Variants in FBXW7 observed in about 807,000 individuals in gnomAD.
FBXW7 encodes F-box and WD repeat domain containing 7, also known as F-box/WD repeat-containing protein 7.
In FBXW7, 11 loss-of-function variants were observed where a neutral mutation model predicts 86.3. The observed-to-expected ratio is 0.13, with a 90% confidence interval of 0.08 to 0.21. The LOEUF (loss-of-function observed/expected upper bound fraction) is 0.21, where lower values mean the gene tolerates loss of function less well. Among genes scored for constraint, FBXW7 ranks in the 10% least tolerant of loss-of-function variants. The pLI is 1.00. For synonymous variants in FBXW7, 313 were observed against 297.9 expected (o/e 1.05, Z -0.52); for missense variants, 488 against 847.4 (o/e 0.58, Z 5.27).
intron 2 of FBXW7, among the ~76,000 whole-genome samples, chr4:152,513,926 T>C (rs978803177): frequency 7.9e-5 from 12 of 152,238 alleles, no homozygotes; most frequent in Non-Finnish European, 1.6e-4. Context: ...GAGCACTTAC[T>C]TGAAATGTGA....
intron 13 of FBXW7, 143 bp from the exon 14 acceptor site, chr4:152,323,292 A>G: frequency 1.0e-6 from 1 of 996,284 alleles, no homozygotes; most frequent in Non-Finnish European, 1.4e-6. Flanking sequence ...CCATGTCCTC[A>G]GTATTTTAGG....
At chr4:152,341,719 T>C (rs201421892) in intron 6 of FBXW7, among the ~76,000 whole-genome samples, 2 of 152,002 alleles carry the variant, frequency 1.3e-5, no homozygotes, top group East Asian at 3.9e-4. Flanking sequence ...GCTCCAAGAG[T>C]GGTTTCAAAT....
chr4:152,353,730 G>A (rs1732089292), intron 4 of FBXW7, among the ~76,000 whole-genome samples: 1 of 152,088 alleles, frequency 6.6e-6, no homozygotes, highest in African/African-American at 2.4e-5. Flanking sequence ...GCCAAAGTTT[G>A]CCAGAAGGCA....
chr4:152,395,160 A>G (rs985362116), intron 4 of FBXW7, among the ~76,000 whole-genome samples: 1 of 152,060 alleles, frequency 6.6e-6, no homozygotes, highest in Admixed American at 6.6e-5. Flanking sequence ...TGCAAACTTC[A>G]GTTTACATGA....
chr4:152,469,500 T>A (rs1012938991), intron 2 of FBXW7, among the ~76,000 whole-genome samples: 1 of 152,112 alleles, frequency 6.6e-6, no homozygotes, highest in Admixed American at 6.5e-5. Flanking sequence ...AGGAAATGCA[T>A]AGACCCTGAC....
At chr4:152,384,985 T>C (rs979619113) in intron 4 of FBXW7, among the ~76,000 whole-genome samples, 6 of 152,084 alleles carry the variant, frequency 3.9e-5, no homozygotes, top group South Asian at 2.1e-4. Context: ...ATTGTTTTGT[T>C]TGTGAAACAT....
chr4:152,442,044 C>G (rs1740940124), intron 2 of FBXW7, among the ~76,000 whole-genome samples: 1 of 152,168 alleles, frequency 6.6e-6, no homozygotes, highest in South Asian at 2.1e-4. Flanking sequence ...GTTTTGTGAT[C>G]TTATACAAAA....
intron 2 of FBXW7, among the ~76,000 whole-genome samples, chr4:152,461,157 T>C (rs1742907040): frequency 6.6e-6 from 1 of 152,114 alleles, no homozygotes; most frequent in South Asian, 2.1e-4. Context: ...TGTTGGTGCA[T>C]GTCTGTAATC....
intron 4 of FBXW7, among the ~76,000 whole-genome samples, chr4:152,356,469 A>G (rs917076245): frequency 6.6e-6 from 1 of 152,188 alleles, no homozygotes; most frequent in African/African-American, 2.4e-5. Context: ...TAGTAGGAGA[A>G]TGTGTTTATA....
At position 152,449,528 on chromosome 4, in the gene FBXW7, C is replaced by T. The variant is rs17361754; in HGVS notation, c.-119-36999G>A. On this transcript the variant is annotated intron_variant, in intron 2 of 13. Transcript: ENST00000281708. ...GATAATCCAAGGAGGCTCCTGCTATCATAAATGTTAGAAGAGTTTTAATGA... is the reference window on the plus strand; with the variant it reads ...GATAATCCAAGGAGGCTCCTGCTATTATAAATGTTAGAAGAGTTTTAATGA... Among the ~76,000 whole-genome samples the T allele has an allele frequency of 5.4e-3, 816 of 152,204 alleles. 1 individual carries two copies. The highest frequency in any genetic ancestry group is 9.3e-3 in the Non-Finnish European group (630 of 67,998).
intron 2 of FBXW7, among the ~76,000 whole-genome samples, chr4:152,497,458 C>T (rs1746477024): frequency 6.6e-6 from 1 of 150,438 alleles, no homozygotes; most frequent in African/African-American, 2.4e-5. Context: ...ATTTAAGGTT[C>T]AATACCCAAT....
intron 4 of FBXW7, among the ~76,000 whole-genome samples, chr4:152,388,031 AT>A (rs372291868): frequency 2.3e-4 from 34 of 149,506 alleles, no homozygotes; most frequent in Middle Eastern, 3.4e-3. Context: ...AAGTTTTAGT[AT>A]TTTTTTTTTA....
rs375357200 is a variant in FBXW7 at position 152,535,493 on chromosome 4, C to T, written c.-579G>A. On this transcript the variant is annotated 5_prime_UTR_variant, in exon 1 of 14. Transcript: ENST00000281708. ...CTTCACATCGGGGTCCCCGCCCCCCCGGCCGGGGGGTGGTTGCCGAGCTTG... is the reference window on the plus strand; with the variant it reads ...CTTCACATCGGGGTCCCCGCCCCCCTGGCCGGGGGGTGGTTGCCGAGCTTG... The T allele has an allele frequency of 2.5e-6, 1 of 394,728 alleles. No homozygotes were observed. Among genetic ancestry groups the T allele is most frequent in the African/African-American group, 2.1e-5 (1 of 48,460 alleles). 24.5% of individuals were successfully genotyped at this position (394,728 alleles called of 1,614,324 possible). A position where few individuals can be genotyped will look rare whatever the true frequency, so the allele number is the denominator to read the frequency against.
At chr4:152,448,781 T>C (rs989031701) in intron 2 of FBXW7, among the ~76,000 whole-genome samples, 1 of 152,198 alleles carries the variant, frequency 6.6e-6, no homozygotes, top group Non-Finnish European at 1.5e-5. Context: ...AAAAACTGGA[T>C]ATTAAAACAG....
intron 2 of FBXW7, among the ~76,000 whole-genome samples, chr4:152,522,299 C>G (rs1426289514): frequency 2.6e-5 from 4 of 152,136 alleles, no homozygotes; most frequent in African/African-American, 9.7e-5. Flanking sequence ...AACCTTTTCT[C>G]AGTTTCTGAA....
chr4:152,345,718 A>T (rs1255046414), intron 6 of FBXW7, among the ~76,000 whole-genome samples: 2 of 152,224 alleles, frequency 1.3e-5, no homozygotes, highest in African/African-American at 2.4e-5. Context: ...AAACAATTTT[A>T]AAAAACCATT....
At chr4:152,376,054 A>G (rs1214287196) in intron 4 of FBXW7, among the ~76,000 whole-genome samples, 1 of 152,108 alleles carries the variant, frequency 6.6e-6, no homozygotes, top group Admixed American at 6.6e-5. Context: ...AGTTTTGTTT[A>G]AAAAATTATA....
chr4:152,535,056 G>C (rs1561012701), intron 1 of FBXW7, 23 bp from the exon 2 acceptor site: 1 of 152,528 alleles, frequency 6.6e-6, no homozygotes, highest in Non-Finnish European at 1.5e-5. Flanking sequence ...CGGTGCTCGT[G>C]TCGCTAAACC....
At chr4:152,330,913 A>C (rs2126537510) in intron 8 of FBXW7, 45 bp from the exon 9 acceptor site, 1 of 1,573,956 alleles carries the variant, frequency 6.4e-7, no homozygotes, top group Non-Finnish European at 8.7e-7. Context: ...ACCAATAATA[A>C]CAGTTATACA....
Sources: gnomAD v4.1 joint callset for allele counts (sites outside exome capture counted in the v4.1 genomes callset) on GRCh38, gnomAD v4.1.1 for gene constraint, MANE v1.5 for transcripts, NCBI Gene and HGNC (gene_info 2026-07-23, HGNC 2026-07-21) for gene names.